SAMD12: variants seen among roughly 807,000 people sequenced by gnomAD.
SAMD12 encodes the protein sterile alpha motif domain-containing protein 12.
Under a neutral mutation model 15.0 loss-of-function variants are expected in SAMD12, and 9 were observed. That is an observed-to-expected ratio of 0.60 (90% CI 0.36 to 1.05). The LOEUF (loss-of-function observed/expected upper bound fraction) is 1.05. Among genes scored for constraint, SAMD12 ranks in the 50% least tolerant of loss-of-function variants. The pLI, the probability that SAMD12 is intolerant of heterozygous loss-of-function variation, is 0.01. For synonymous variants in SAMD12, 86 were observed against 90.1 expected, an observed-to-expected ratio of 0.96 and a Z score of 0.25; for missense variants, 230 against 234.2, an observed-to-expected ratio of 0.98 and a Z score of 0.12.
Position 118,332,726 on chromosome 8 carries a change from G to A in SAMD12, c.433+46834C>T, listed in dbSNP as rs566707447. On this transcript the variant is annotated intron_variant, in intron 4 of 4. Coordinates refer to the SAMD12 transcript ENST00000409003. ...ACATTCCAATACTGGAGTAACATAT[G>A]CTTTTCTGCTTTTCTCTCTACTTCG... Among the ~76,000 whole-genome samples, 16 of 152,248 alleles carry A rather than the reference G, an allele frequency of 1.1e-4. No individual in the cohort carries two copies. In the South Asian group the frequency reaches 3.1e-3, roughly 30 times the overall value.
intron 1 of SAMD12, among the ~76,000 whole-genome samples, chr8:118,589,528 T>C (rs1010062716): frequency 1.3e-5 from 2 of 152,194 alleles, no homozygotes; most frequent in Non-Finnish European, 2.9e-5. Flanking sequence ...ATGCTTAACT[T>C]AGGTATTGCA....
intron 1 of SAMD12, among the ~76,000 whole-genome samples, chr8:118,587,028 A>AGACT (rs2131271173): frequency 6.6e-6 from 1 of 152,374 alleles, no homozygotes; most frequent in African/African-American, 2.4e-5. Context: ...TGCAAAGCAG[A>AGACT]GACTATCTTA....
chr8:118,299,600 G>A (rs762966936), intron 4 of SAMD12, among the ~76,000 whole-genome samples: 13 of 152,174 alleles, frequency 8.5e-5, no homozygotes, highest in Admixed American at 2.6e-4. Flanking sequence ...GGTTTTGAGT[G>A]AGAGGAAAAG....
intron 4 of SAMD12, among the ~76,000 whole-genome samples, chr8:118,291,784 G>A (rs1814383784): frequency 6.6e-6 from 1 of 151,150 alleles, no homozygotes; most frequent in African/African-American, 2.4e-5. Flanking sequence ...GCTGCTTCCT[G>A]TTGCCCTGAT....
chr8:118,203,560 G>A (rs1819773078), intron 4 of SAMD12, among the ~76,000 whole-genome samples: 1 of 151,570 alleles, frequency 6.6e-6, no homozygotes, highest in African/African-American at 2.4e-5. Context: ...ACAGGTCCTT[G>A]TTTCTATTTT....
chr8:118,293,359 A>G (rs1420479935), intron 4 of SAMD12, among the ~76,000 whole-genome samples: 2 of 152,212 alleles, frequency 1.3e-5, no homozygotes, highest in African/African-American at 2.4e-5. Flanking sequence ...ATGATGACTG[A>G]AGGGAAAGTT....
intron 2 of SAMD12, among the ~76,000 whole-genome samples, chr8:118,565,736 A>C (rs1182020190): frequency 2.6e-5 from 4 of 152,170 alleles, no homozygotes; most frequent in African/African-American, 9.7e-5. Context: ...GGCATCCCTT[A>C]TTCTCCCTCT....
chr8:118,206,794 T>A (rs946320336), intron 4 of SAMD12, among the ~76,000 whole-genome samples: 1 of 152,244 alleles, frequency 6.6e-6, no homozygotes, highest in African/African-American at 2.4e-5. Context: ...CCTGTGACTT[T>A]GAATTCATAA....
intron 4 of SAMD12, among the ~76,000 whole-genome samples, chr8:118,253,358 C>G (rs1172185795): frequency 1.3e-5 from 2 of 152,180 alleles, no homozygotes; most frequent in African/African-American, 4.8e-5. Context: ...AGGGGCAATA[C>G]ATATTCTATA....
intron 4 of SAMD12, among the ~76,000 whole-genome samples, chr8:118,242,704 C>G (rs1041786737): frequency 5.3e-5 from 8 of 152,058 alleles, no homozygotes; most frequent in Non-Finnish European, 2.9e-5. Flanking sequence ...GCATGACCAC[C>G]TTCCCTGCCC....
At chr8:118,333,220 C>A (rs1409999109) in intron 4 of SAMD12, among the ~76,000 whole-genome samples, 1 of 152,176 alleles carries the variant, frequency 6.6e-6, no homozygotes, top group African/African-American at 2.4e-5. Flanking sequence ...GTTCCTTGAA[C>A]TTCTAATTTC....
At chr8:118,317,064 GC>G (rs1408283604) in intron 4 of SAMD12, among the ~76,000 whole-genome samples, 1 of 152,108 alleles carries the variant, frequency 6.6e-6, no homozygotes, top group African/African-American at 2.4e-5. Context: ...ACACAGACAT[GC>G]ACAGAGGGAA....
chr8:118,530,262 T>A (rs553387765), intron 2 of SAMD12, among the ~76,000 whole-genome samples: 3 of 152,336 alleles, frequency 2.0e-5, no homozygotes, highest in Middle Eastern at 3.4e-3. Context: ...TACAGGTTTG[T>A]TCCATGAGTA....
At chr8:118,461,383 A>T (rs1447369084) in intron 2 of SAMD12, among the ~76,000 whole-genome samples, 6 of 152,234 alleles carry the variant, frequency 3.9e-5, no homozygotes, top group Non-Finnish European at 5.9e-5. Context: ...TTCAATTAAT[A>T]TTTTAAAAAT....
At chr8:118,368,662 T>C (rs1288400288) in intron 4 of SAMD12, among the ~76,000 whole-genome samples, 4 of 152,162 alleles carry the variant, frequency 2.6e-5, no homozygotes, top group Non-Finnish European at 5.9e-5. Flanking sequence ...TGTGAATCCA[T>C]GAAAATTGAT....
At chr8:118,215,466 T>TTTC (rs55974416) in intron 4 of SAMD12, among the ~76,000 whole-genome samples, 79,053 of 149,376 alleles carry the variant, frequency 0.53, 21,866 homozygotes, top group Non-Finnish European at 0.63. Flanking sequence ...CATTGAGTGC[T>TTTC]TTTTTTTTTT....
chr8:118,209,777 T>C (rs1049957352), intron 4 of SAMD12, among the ~76,000 whole-genome samples: 1 of 152,236 alleles, frequency 6.6e-6, no homozygotes, highest in African/African-American at 2.4e-5. Flanking sequence ...GCTTAGTTGA[T>C]TTCCTTATTC....
At chr8:118,518,503 T>G (rs1420236392) in intron 2 of SAMD12, among the ~76,000 whole-genome samples, 1 of 152,166 alleles carries the variant, frequency 6.6e-6, no homozygotes, top group Non-Finnish European at 1.5e-5. Context: ...TGCCAAAAAG[T>G]TATAAAATTA....
chr8:118,182,320 A>G, the SAMD12 span, among the ~76,000 whole-genome samples: 1 of 152,296 alleles, frequency 6.6e-6, no homozygotes, highest in East Asian at 1.9e-4. Flanking sequence ...TTAAACATTC[A>G]CATGATTTTT....
Sources: allele counts gnomAD v4.1 joint callset (sites outside exome capture counted in the v4.1 genomes callset), GRCh38; gene constraint gnomAD v4.1.1; transcripts MANE v1.5; gene names NCBI Gene and HGNC (gene_info 2026-07-23, HGNC 2026-07-21).